Variants in SLC15A5 observed in about 807,000 individuals in gnomAD.
The protein encoded by SLC15A5 is solute carrier family 15 member 5.
Under a neutral mutation model 56.1 loss-of-function variants are expected in SLC15A5, and 58 were observed. The observed-to-expected ratio is 1.03, with a 90% confidence interval of 0.84 to 1.29. The LOEUF (loss-of-function observed/expected upper bound fraction) is 1.29, where lower values mean the gene tolerates loss of function less well. Among genes scored for constraint, SLC15A5 ranks in the 50% most tolerant of loss-of-function variants. The pLI is 0.00. For missense variants in SLC15A5, 681 were observed against 672.1 expected (o/e 1.01, Z -0.15); for synonymous variants, 264 against 250.5 (o/e 1.05, Z -0.51).
rs201353476 is a variant in SLC15A5 at position 16,239,829 on chromosome 12, G to T, written c.1014C>A (p.Asn338Lys). ...GCAGAAGAAATCCATCCAAATTCAG[G>T]TTGGAATTCATAGTTTGCAGATAAT... The part of the protein sequence containing the change: ...SGYYLQTMNS[N>K]LNLDGFLLPI... The change falls in exon 5 of 9, where the codon AAC becomes AAA. Residue 338 changes from asparagine to lysine, a missense_variant. Transcript: ENST00000344941. The T allele has an allele frequency of 3.2e-5, 49 of 1,537,060 alleles. No individual in the cohort carries two copies. The highest frequency in any genetic ancestry group is 4.1e-5 in the Non-Finnish European group (47 of 1,146,864).
intron 6 of SLC15A5, 142 bp from the exon 7 acceptor site, chr12:16,217,166 A>G (rs1864138285): frequency 1.3e-6 from 1 of 767,324 alleles, no homozygotes; most frequent in Non-Finnish European, 2.0e-6. Flanking sequence ...TAAGGTTACT[A>G]TAGTAAGATA....
chr12:16,191,918 G>T (rs1863841437), intron 8 of SLC15A5, among the ~76,000 whole-genome samples: 1 of 152,072 alleles, frequency 6.6e-6, no homozygotes, highest in African/African-American at 2.4e-5. Flanking sequence ...GTAGTGGGTA[G>T]AGTTATTTTA....
intron 5 of SLC15A5, among the ~76,000 whole-genome samples, chr12:16,234,567 T>G (rs1864329015): frequency 6.6e-6 from 1 of 152,168 alleles, no homozygotes; most frequent in East Asian, 1.9e-4. Context: ...GTACACATTT[T>G]AAACCTCTAG....
intron 5 of SLC15A5, among the ~76,000 whole-genome samples, chr12:16,231,851 C>T (rs570235402): frequency 6.6e-6 from 1 of 152,298 alleles, no homozygotes; most frequent in Non-Finnish European, 1.5e-5. Flanking sequence ...GGAAGTATGC[C>T]TCAAAGCAGG....
At position 16,269,808 on chromosome 12, in the gene SLC15A5, G is replaced by A. The variant is rs1350905018; in HGVS notation, c.584+2753C>T. 6.6e-6 allele frequency among the ~76,000 whole-genome samples: 1 copy of A among 152,218 alleles called. No homozygotes were observed. The highest frequency in any genetic ancestry group is 2.4e-5 in the African/African-American group (1 of 41,460). On this transcript the variant is annotated intron_variant, in intron 2 of 8. Transcript: ENST00000344941. The surrounding 1 kb of genome is among the most constrained non-coding windows in gnomAD (Gnocchi z 4.7). ...GCAGATAGGATGCAAATTATCAGGT[G>A]AAGAAAGTAGAGAAATGCAGAAGCA...
At chr12:16,256,582 G>A (rs1296816965) in intron 3 of SLC15A5, among the ~76,000 whole-genome samples, 8 of 152,122 alleles carry the variant, frequency 5.3e-5, no homozygotes, top group Non-Finnish European at 1.2e-4. Context: ...ATTAGGGGCC[G>A]GGCGTGGTGG....
At chr12:16,211,401 C>T (rs1864079096) in intron 7 of SLC15A5, among the ~76,000 whole-genome samples, 1 of 152,128 alleles carries the variant, frequency 6.6e-6, no homozygotes, top group African/African-American at 2.4e-5. Flanking sequence ...GGAAATTAAA[C>T]AGCTACATTC....
chr12:16,235,496 T>C lies in SLC15A5; in HGVS notation c.1162+4185A>G, dbSNP rs1864344613. Among the ~76,000 whole-genome samples, 1 of 152,026 alleles carries C rather than the reference T, an allele frequency of 6.6e-6. No homozygotes were observed. Among genetic ancestry groups the C allele is most frequent in the Non-Finnish European group, 1.5e-5 (1 of 67,928 alleles). On this transcript the variant is annotated intron_variant, in intron 5 of 8. Coordinates refer to ENST00000344941, the MANE Select transcript of SLC15A5 (RefSeq NM_001170798.1). This position sits in a 1 kb window ranked among gnomAD's most constrained non-coding sequence, Gnocchi z 4.1. ...TCTCTATAAGGCATCAGTTATTTGC[T>C]TCAGATTGCATATTAGATGATCTAC...
intron 5 of SLC15A5, among the ~76,000 whole-genome samples, chr12:16,229,144 C>A (rs926378862): frequency 6.6e-6 from 1 of 152,192 alleles, no homozygotes; most frequent in Admixed American, 6.5e-5. Context: ...CCAGATTGAG[C>A]TTATGTAAAT....
intron 8 of SLC15A5, among the ~76,000 whole-genome samples, chr12:16,193,269 A>C (rs772672216): frequency 6.6e-6 from 1 of 152,130 alleles, no homozygotes; most frequent in Non-Finnish European, 1.5e-5. Flanking sequence ...GATCAGTTTG[A>C]TAATTTATAC....
At chr12:16,216,706 G>T (rs536979139) in intron 7 of SLC15A5, among the ~76,000 whole-genome samples, 187 bp downstream of exon 7, 4 of 152,074 alleles carry the variant, frequency 2.6e-5, no homozygotes, top group Non-Finnish European at 5.9e-5. Context: ...CCTATCAAAA[G>T]AAAAACAATT....
Position 16,239,802 on chromosome 12 carries a change from C to G in SLC15A5, c.1041G>C (p.Pro347=). ...TGCTGATGGCATTCATTACTGCAAT[C>G]GGCAGAAGAAATCCATCCAAATTCA... is the stretch of plus-strand genomic sequence containing the variant. The part of the protein sequence containing the change: ...SNLNLDGFLL[P]IAVMNAISSL... Residue 347 remains proline, a synonymous_variant, in exon 5 of 9, where the codon CCG becomes CCC. Transcript: ENST00000344941. 6.5e-7 allele frequency: 1 copy of G among 1,537,126 alleles called. No individual in the cohort carries two copies. Among genetic ancestry groups the G allele is most frequent in the Non-Finnish European group, 8.7e-7 (1 of 1,146,872 alleles).
intron 5 of SLC15A5, among the ~76,000 whole-genome samples, chr12:16,232,162 A>G (rs1864305590): frequency 6.6e-6 from 1 of 152,250 alleles, no homozygotes; most frequent in Non-Finnish European, 1.5e-5. Flanking sequence ...AATGCAATCA[A>G]TAATAAGTAG....
chr12:16,258,308 G>C (rs549928495), intron 2 of SLC15A5, among the ~76,000 whole-genome samples: 2 of 152,240 alleles, frequency 1.3e-5, no homozygotes, highest in African/African-American at 4.8e-5. Context: ...AGTTTTCAAA[G>C]TATAGGAAAA....
At chr12:16,255,197 G>T (rs1864558322) in intron 3 of SLC15A5, among the ~76,000 whole-genome samples, 1 of 151,558 alleles carries the variant, frequency 6.6e-6, no homozygotes. Flanking sequence ...TATACACTCA[G>T]AAAAAAATGA....
chr12:16,259,504 A>G (rs555333415), intron 2 of SLC15A5, among the ~76,000 whole-genome samples: 1 of 152,218 alleles, frequency 6.6e-6, no homozygotes, highest in East Asian at 1.9e-4. Flanking sequence ...TGGCTATGGA[A>G]AGGGAATATT....
At chr12:16,206,948 C>G (rs1214818714) in intron 7 of SLC15A5, among the ~76,000 whole-genome samples, 2 of 152,096 alleles carry the variant, frequency 1.3e-5, no homozygotes, top group African/African-American at 4.8e-5. Flanking sequence ...AGTAAAAACC[C>G]ATCAAGATAG....
At chr12:16,228,442 A>G (rs1025501911) in intron 5 of SLC15A5, among the ~76,000 whole-genome samples, 2 of 152,188 alleles carry the variant, frequency 1.3e-5, no homozygotes, top group African/African-American at 4.8e-5. Context: ...CTTTCTCTCT[A>G]ATTCTTCTCC....
chr12:16,241,064 C>T (rs543837852), intron 4 of SLC15A5, among the ~76,000 whole-genome samples: 38 of 152,262 alleles, frequency 2.5e-4, no homozygotes, highest in African/African-American at 8.2e-4. Flanking sequence ...CTGCCTGCCT[C>T]AGCCTCTCAA....
Sources: allele counts gnomAD v4.1 joint callset (sites outside exome capture counted in the v4.1 genomes callset), GRCh38; gene constraint gnomAD v4.1.1; non-coding constraint Gnocchi (gnomAD v3.1); transcripts MANE v1.5; gene names NCBI Gene and HGNC (gene_info 2026-07-23, HGNC 2026-07-21).